The following ITGA7 variants were observed in gnomAD, a reference collection of about 807,000 sequenced individuals.
The protein encoded by ITGA7 is integrin alpha-7.
Under a neutral mutation model 131.6 loss-of-function variants are expected in ITGA7, and 84 were observed. That is an observed-to-expected ratio of 0.64 (90% confidence interval 0.54 to 0.77). The LOEUF is 0.77. ITGA7 is among the 30% of genes least tolerant of loss of function. The probability of loss-of-function intolerance (pLI) is 0.00; values close to 1 mark genes in which losing one functional copy is unlikely to be tolerated. For synonymous variants in ITGA7, 548 were observed against 600.7 expected, an observed-to-expected ratio of 0.91 and a Z score of 1.28; for missense variants, 1,399 against 1,482.9, an observed-to-expected ratio of 0.94 and a Z score of 0.93.
chr12:55,694,391 T>A lies in ITGA7; in HGVS notation c.2357+52A>T. ...CACAGGCACCTCCCAAGGGGTCAGA[T>A]GAGGTCAATATGACTACCCCCACCT... On this transcript the variant is annotated intron_variant, in intron 17 of 24. Transcript: ENST00000257879. This position sits in a 1 kb window ranked among gnomAD's most constrained non-coding sequence, Gnocchi z 5.3. 6.2e-7 allele frequency: 1 copy of A among 1,612,838 alleles called. No individual in the cohort carries two copies. Among genetic ancestry groups the A allele is most frequent in the Non-Finnish European group, 8.5e-7 (1 of 1,178,978 alleles).
chr12:55,705,416 C>T (rs1179901666), intron 1 of ITGA7, among the ~76,000 whole-genome samples: 1 of 151,852 alleles, frequency 6.6e-6, no homozygotes, highest in East Asian at 1.9e-4. Flanking sequence ...GGCAGAGGGA[C>T]CCCCTGGGAG....
rs565075865 is a variant in ITGA7, at chr12:55,685,247, C to A, written c.3225G>T (p.Val1075=). The A allele has an allele frequency of 4.8e-5, 77 of 1,614,230 alleles. No individual in the cohort carries two copies. The South Asian group carries it at 7.5e-4, about 16-fold the overall frequency. Residue 1075 remains valine (V), a synonymous_variant, in exon 25 of 25, where the codon GTG becomes GTT. Coordinates refer to ENST00000257879, the MANE Select transcript of ITGA7 (RefSeq NM_002206.3). Reference sequence around the variant, plus strand: ...GAATCTTCACCGCATGGTACTGGGGCACGGTGGCCTCGGGGTGCTTCGCCC... The same window carrying A: ...GAATCTTCACCGCATGGTACTGGGGAACGGTGGCCTCGGGGTGCTTCGCCC... ...FKRAKHPEAT[V]PQYHAVKIPR... is the part of the protein sequence containing the mutation.
In ITGA7 at chr12:55,707,536, G is replaced by T; in HGVS notation, c.147C>A (p.Gly49=). ...MGALRKEGEP[G]SLFGFSVALH... The stretch of plus-strand genomic sequence containing the variant: ...GGGCCACAGAGAAGCCGAAGAGGCT[G>T]CCTGGCTCGCCCTCCTTGCGCAAGG... Residue 49 remains glycine (G), a synonymous_variant, in exon 1 of 25, where the codon GGC becomes GGA. Coordinates refer to ENST00000257879, the MANE Select transcript of ITGA7 (RefSeq NM_002206.3). The T allele has an allele frequency of 6.2e-7, 1 of 1,614,030 alleles. No individual in the cohort carries two copies.
chr12:55,700,825 T>C, intron 4 of ITGA7, 74 bp downstream of exon 4: 1 of 1,591,140 alleles, frequency 6.3e-7, no homozygotes, highest in Non-Finnish European at 8.6e-7. Context: ...CTTGGCCATG[T>C]GCCATCCCCA....
chr12:55,714,411 G>C (rs1876353792), upstream of ITGA7, among the ~76,000 whole-genome samples: 1 of 151,344 alleles, frequency 6.6e-6, no homozygotes, highest in Admixed American at 6.6e-5. Flanking sequence ...CCAGCTACTT[G>C]GGAGGCTGAG....
intron 21 of ITGA7, among the ~76,000 whole-genome samples, chr12:55,689,639 T>C (rs1479495924): frequency 6.6e-6 from 1 of 152,176 alleles, no homozygotes; most frequent in East Asian, 1.9e-4. Context: ...GCTTTAAGAG[T>C]GTCTGAATTA....
upstream of ITGA7, chr12:55,708,133 A>C (rs1180495925): frequency 6.5e-4 from 426 of 651,002 alleles, no homozygotes; most frequent in East Asian, 8.9e-4. Context: ...CCCCAACCCC[A>C]TCCCCACCCC....
chr12:55,701,222 A>T (rs1873941404), intron 3 of ITGA7, 68 bp from the exon 4 acceptor site: 2 of 1,610,200 alleles, frequency 1.2e-6, no homozygotes, highest in Non-Finnish European at 1.7e-6. Flanking sequence ...CATGCTGCCC[A>T]TATGCAGAGA....
chr12:55,704,295 TGGA>T lies in ITGA7; in HGVS notation c.207-1120_207-1118del, dbSNP rs533823813. On this transcript the variant is annotated intron_variant, in intron 1 of 24. Coordinates refer to ENST00000257879, the MANE Select transcript of ITGA7 (RefSeq NM_002206.3). ...GGGCACTGTGCCAGCTCTGATGGGG[TGGA>T]GGGGGAGGGCAGAGAGCCATTCTTC... Among the ~76,000 whole-genome samples, 19 of 151,944 alleles carry T rather than the reference TGGA, an allele frequency of 1.3e-4. No individual in the cohort carries two copies. In the South Asian group the frequency reaches 4.0e-3, roughly 32 times the overall value.
chr12:55,698,376 G>A lies in ITGA7; in HGVS notation c.1192+7C>T, dbSNP rs771730976. 7.7e-5 allele frequency: 124 copies of A among 1,607,004 alleles called. No individual in the cohort carries two copies. In the Admixed American group the frequency reaches 1.7e-3, roughly 23 times the overall value. On this transcript the variant is annotated splice_region_variant and intron_variant, in intron 7 of 24. Coordinates refer to ENST00000257879, the MANE Select transcript of ITGA7 (RefSeq NM_002206.3). ...CCTCCCTGAGCCTTTCCAGTTCCCCGTCACACCTGGAAAGCCATCTTGGTT... is the reference window on the plus strand; with the variant it reads ...CCTCCCTGAGCCTTTCCAGTTCCCCATCACACCTGGAAAGCCATCTTGGTT...
chr12:55,701,438 A>T lies in ITGA7; in HGVS notation c.415-284T>A, dbSNP rs769300192. 11 of 1,551,402 alleles carry T rather than the reference A, an allele frequency of 7.1e-6. No individual in the cohort carries two copies. The South Asian group carries it at 1.2e-4, about 17-fold the overall frequency. ...CATTCTGCCTGGAGCCAAAAGACAC[A>T]ATTAAGCCACCACATAGGATGTGTG... On this transcript the variant is annotated intron_variant, in intron 3 of 24. Coordinates refer to ENST00000257879, the MANE Select transcript of ITGA7 (RefSeq NM_002206.3).
rs754520530 is a variant in ITGA7 at position 55,697,283 on chromosome 12, G to A, written c.1506-6C>T. ...AACAGACCCTTAGGTCCACACTGCG[G>A]GGGCAAAGGTGGCTCCTGAGCCAAA... is the stretch of plus-strand genomic sequence containing the variant. On this transcript the variant is annotated splice_region_variant and splice_polypyrimidine_tract_variant and intron_variant, in intron 10 of 24. Coordinates refer to ENST00000257879, the MANE Select transcript of ITGA7 (RefSeq NM_002206.3). 32 of 1,591,606 alleles carry A rather than the reference G, an allele frequency of 2.0e-5. No homozygotes were observed. Among genetic ancestry groups the A allele is most frequent in the Non-Finnish European group, 2.5e-5 (29 of 1,169,122 alleles).
rs1191922453 is a variant in ITGA7, at chr12:55,688,305, G to A, written c.2959-5C>T. 2 of 1,606,988 alleles carry A rather than the reference G, an allele frequency of 1.2e-6. No individual in the cohort carries two copies. The highest frequency in any genetic ancestry group is 1.7e-6 in the Non-Finnish European group (2 of 1,173,672). ...GGACTTCACAGCTGAGTACTCCTAAGGGAACAGGGAAGGAGACCCTTCTCC... is the reference window on the plus strand; with the variant it reads ...GGACTTCACAGCTGAGTACTCCTAAAGGAACAGGGAAGGAGACCCTTCTCC... On this transcript the variant is annotated splice_polypyrimidine_tract_variant and splice_region_variant and intron_variant, in intron 22 of 24. Transcript: ENST00000257879.
rs1196136356 is a variant in ITGA7, at chr12:55,688,890, GC to G, written c.2911del (p.Ala971LeufsTer21). The G allele has an allele frequency of 2.5e-6, 4 of 1,613,954 alleles. No individual in the cohort carries two copies. Among genetic ancestry groups the G allele is most frequent in the Non-Finnish European group, 3.4e-6 (4 of 1,179,996 alleles). On this transcript the variant is annotated frameshift_variant, in exon 22 of 25. Transcript: ENST00000257879. LOFTEE classifies it high-confidence loss of function. Reference sequence around the variant, plus strand: ...GAGACGGCCCCAGACATGCAGCACAGCCGCGCGGTCAAAGCTGTAGAGTGGG... The same window carrying G: ...GAGACGGCCCCAGACATGCAGCACAGCGCGCGGTCAAAGCTGTAGAGTGGG... The part of the protein sequence containing the change: ...SCPLYSFDRA[A>X]VLHVWGRLWN...
At chr12:55,695,661 G>A (rs550030054) in intron 13 of ITGA7, 24 bp from the exon 14 acceptor site, 2 of 1,548,196 alleles carry the variant, frequency 1.3e-6, no homozygotes, top group East Asian at 4.5e-5. Flanking sequence ...TGAGATAAGG[G>A]GCATTCCTAG....
At chr12:55,697,150 C>A in intron 11 of ITGA7, 66 bp downstream of exon 11, 1 of 1,575,882 alleles carries the variant, frequency 6.3e-7, no homozygotes, top group Non-Finnish European at 8.6e-7. Flanking sequence ...TCTTCTACCA[C>A]CTCGAAGTGA....
chr12:55,698,556 C>T lies in ITGA7; in HGVS notation c.1019G>A (p.Gly340Asp). 6.2e-7 allele frequency: 1 copy of T among 1,614,142 alleles called. No homozygotes were observed. The highest frequency in any genetic ancestry group is 8.5e-7 in the Non-Finnish European group (1 of 1,180,024). ...TTGGCGCTCAAAGAAGTAGGGGGCA[C>T]CCACTATCAGGTCTGGCCAGCTATG... ...NSDGWPDLIV[G>D]APYFFERQEE... Residue 340 changes from glycine to aspartate, a missense_variant, in exon 7 of 25, where the codon GGT becomes GAT. Coordinates refer to ENST00000257879, the MANE Select transcript of ITGA7 (RefSeq NM_002206.3).
At position 55,695,610 on chromosome 12, in the gene ITGA7, C is replaced by G; in HGVS notation, c.1915G>C (p.Glu639Gln). Residue 639 changes from glutamate to glutamine, a missense_variant, in exon 14 of 25, where the codon GAA becomes CAA. Coordinates refer to ENST00000257879, the MANE Select transcript of ITGA7 (RefSeq NM_002206.3). ...EIHFLKQGCG[E>Q]DKICQSNLQL... ...AGATTGCTCTGGCAGATCTTGTCTT[C>G]ACCACAGCCTTGCTTCAGGAAGTGG... 2.5e-6 allele frequency: 4 copies of G among 1,613,626 alleles called. No homozygotes were observed. The highest frequency in any genetic ancestry group is 3.4e-6 in the Non-Finnish European group (4 of 1,179,654).
upstream of ITGA7, among the ~76,000 whole-genome samples, chr12:55,714,720 A>G (rs557745603): frequency 2.4e-4 from 34 of 140,048 alleles, no homozygotes; most frequent in African/African-American, 8.5e-4. Flanking sequence ...ACATATATAC[A>G]TATACATACA....
Sources: allele counts gnomAD v4.1 joint callset (sites outside exome capture counted in the v4.1 genomes callset), GRCh38; gene constraint gnomAD v4.1.1; non-coding constraint Gnocchi (gnomAD v3.1); transcripts MANE v1.5; gene names NCBI Gene and HGNC (gene_info 2026-07-23, HGNC 2026-07-21).